FTO: variants seen among roughly 807,000 people sequenced by gnomAD.
The protein encoded by FTO is alpha-ketoglutarate-dependent dioxygenase FTO.
In FTO, 47 loss-of-function variants were observed where a neutral mutation model predicts 63.9. The observed-to-expected ratio is 0.74, with a 90% confidence interval of 0.58 to 0.94. The LOEUF is 0.94. Among genes scored for constraint, FTO ranks in the 40% least tolerant of loss-of-function variants. The probability of loss-of-function intolerance (pLI) is 0.00; values close to 1 mark genes in which losing one functional copy is unlikely to be tolerated. For synonymous variants in FTO, 207 were observed against 224.4 expected (o/e 0.92, Z 0.69); for missense variants, 562 against 618.1 (o/e 0.91, Z 0.96).
At chr16:53,872,247 C>CT (rs922787899) in intron 4 of FTO, among the ~76,000 whole-genome samples, 1 of 152,120 alleles carries the variant, frequency 6.6e-6, no homozygotes, top group African/African-American at 2.4e-5. Context: ...TCTGGTGCTT[C>CT]TTTTTTTGGC....
chr16:53,988,667 T>C (rs1349951958), intron 8 of FTO, among the ~76,000 whole-genome samples: 10 of 152,324 alleles, frequency 6.6e-5, no homozygotes, highest in African/African-American at 1.9e-4. Flanking sequence ...ACTACTGTTA[T>C]CTCCTATTTT....
At chr16:53,891,538 A>G (rs1019753748) in intron 7 of FTO, among the ~76,000 whole-genome samples, 1 of 152,018 alleles carries the variant, frequency 6.6e-6, no homozygotes. Flanking sequence ...GTGCATGTCT[A>G]TGGTCTGAGC....
chr16:53,810,666 C>T (rs567468117), intron 2 of FTO, among the ~76,000 whole-genome samples: 10 of 152,120 alleles, frequency 6.6e-5, no homozygotes, highest in African/African-American at 1.7e-4. Context: ...TACAGAATTC[C>T]GTGTCTCTGT....
rs151254730 is a variant in FTO at position 54,110,837 on chromosome 16, G to A, written c.1365-925G>A. On this transcript the variant is annotated intron_variant, in intron 8 of 8. Coordinates refer to ENST00000471389, the MANE Select transcript of FTO (RefSeq NM_001080432.3). ...TTGATCCACTCGTTTTCACTGCCAC[G>A]TACTCCAGGAGAGTCGAGAAATTGT... Among the ~76,000 whole-genome samples the A allele has an allele frequency of 3.8e-3, 578 of 152,314 alleles. 1 individual carries two copies. The highest frequency in any genetic ancestry group is 6.5e-3 in the Non-Finnish European group (442 of 68,034).
In FTO at chr16:53,998,506, G is replaced by A. The variant is rs534745423; in HGVS notation, c.1364+64397G>A. Reference sequence around the variant, plus strand: ...CCCTCAGTGTTCTTCTATTTATAAGGAACAGAAAACCCAACTTAAATTGAC... The same window carrying A: ...CCCTCAGTGTTCTTCTATTTATAAGAAACAGAAAACCCAACTTAAATTGAC... On this transcript the variant is annotated intron_variant, in intron 8 of 8. Transcript: ENST00000471389. 2.0e-5 allele frequency: 3 copies of A among 152,262 alleles called. No individual in the cohort carries two copies. In the South Asian group the frequency reaches 6.2e-4, roughly 32 times the overall value. The allele number at this position is 152,262 out of a possible 1,614,324, so 9.4% of individuals were successfully genotyped here.
chr16:53,892,866 A>T (rs1341360657), intron 7 of FTO, among the ~76,000 whole-genome samples: 1 of 152,150 alleles, frequency 6.6e-6, no homozygotes, highest in Admixed American at 6.6e-5. Flanking sequence ...AGAATGGAAA[A>T]TGAGCTTTGA....
chr16:53,813,690 C>G (rs1362698943), intron 2 of FTO, among the ~76,000 whole-genome samples: 1 of 152,194 alleles, frequency 6.6e-6, no homozygotes, highest in African/African-American at 2.4e-5. Flanking sequence ...AGCTGCCAGT[C>G]ATAAACACAG....
intron 1 of FTO, among the ~76,000 whole-genome samples, chr16:53,708,186 T>A (rs2075673279): frequency 6.6e-6 from 1 of 152,150 alleles, no homozygotes; most frequent in South Asian, 2.1e-4. Flanking sequence ...GCCAACATGG[T>A]GAAACCCTGT....
intron 8 of FTO, chr16:54,063,742 G>A (rs1461106206): frequency 6.8e-6 from 1 of 147,250 alleles, no homozygotes; most frequent in Admixed American, 6.8e-5. Context: ...AGAGGTATGC[G>A]TAGCTATATC....
chr16:53,758,335 A>G (rs1252123996), intron 1 of FTO, among the ~76,000 whole-genome samples: 1 of 152,210 alleles, frequency 6.6e-6, no homozygotes. Flanking sequence ...TGAAATTTAA[A>G]ACCTGTGTAG....
intron 1 of FTO, among the ~76,000 whole-genome samples, chr16:53,727,056 TTTTC>T (rs952619096): frequency 2.0e-5 from 3 of 152,170 alleles, no homozygotes; most frequent in Admixed American, 6.5e-5. Flanking sequence ...TCCCCTCTTC[TTTTC>T]TTTCTTTCTT....
intron 2 of FTO, among the ~76,000 whole-genome samples, chr16:53,823,576 C>A (rs1019712995): frequency 2.7e-5 from 4 of 147,604 alleles, no homozygotes; most frequent in African/African-American, 9.9e-5. Flanking sequence ...TCTTCATTTC[C>A]CCCTTTTCTT....
At chr16:53,798,736 G>A (rs1206209234) in intron 1 of FTO, among the ~76,000 whole-genome samples, 3 of 151,984 alleles carry the variant, frequency 2.0e-5, no homozygotes, top group Admixed American at 6.6e-5. Context: ...TTCTCAATCC[G>A]GATACTTTTC....
intron 8 of FTO, among the ~76,000 whole-genome samples, chr16:53,954,377 G>A (rs2082872274): frequency 6.6e-6 from 1 of 152,074 alleles, no homozygotes; most frequent in East Asian, 1.9e-4. Flanking sequence ...AGGGTACATA[G>A]GGTTTTGAAT....
chr16:54,111,994 CA>C lies in FTO; in HGVS notation c.*80del, dbSNP rs774235031. On this transcript the variant is annotated 3_prime_UTR_variant, in exon 9 of 9. Transcript: ENST00000471389. ...ACGTTGTCATGGGCTTAAGCAAGAGCAGTGGAGACTTCTCTTGGCCCCTAGA... is the reference window on the plus strand; with the variant it reads ...ACGTTGTCATGGGCTTAAGCAAGAGCGTGGAGACTTCTCTTGGCCCCTAGA... The C allele has an allele frequency of 2.0e-5, 30 of 1,480,868 alleles. No individual in the cohort carries two copies. The highest frequency in any genetic ancestry group is 2.6e-5 in the Non-Finnish European group (28 of 1,061,238). 91.7% of individuals were successfully genotyped at this position (1,480,868 alleles called of 1,614,324 possible). A position where few individuals can be genotyped will look rare whatever the true frequency, so the allele number is the denominator to read the frequency against.
intron 3 of FTO, among the ~76,000 whole-genome samples, chr16:53,834,185 C>T (rs1027217217): frequency 6.6e-6 from 1 of 152,066 alleles, no homozygotes; most frequent in Non-Finnish European, 1.5e-5. Context: ...CCACCACACC[C>T]GGCAAATTTT....
chr16:54,079,973 G>T (rs2086100897), intron 8 of FTO, among the ~76,000 whole-genome samples: 2 of 152,134 alleles, frequency 1.3e-5, no homozygotes, highest in Non-Finnish European at 2.9e-5. Flanking sequence ...TGTAGCCCCT[G>T]AGCCACCATT....
intron 1 of FTO, among the ~76,000 whole-genome samples, chr16:53,789,753 C>CATATATAT (rs143403033): frequency 0.024 from 3,597 of 147,126 alleles, 55 homozygotes; most frequent in South Asian, 0.077. Flanking sequence ...CTGGAACATA[C>CATATATAT]ATATATATAT....
At chr16:53,825,218 CT>C (rs1243447047) in intron 2 of FTO, among the ~76,000 whole-genome samples, 1 of 152,128 alleles carries the variant, frequency 6.6e-6, no homozygotes, top group Non-Finnish European at 1.5e-5. Flanking sequence ...AGTGAGTTCT[CT>C]TTTTGTGAAA....
Sources: gnomAD v4.1 joint callset for allele counts (sites outside exome capture counted in the v4.1 genomes callset) on GRCh38, gnomAD v4.1.1 for gene constraint, MANE v1.5 for transcripts, NCBI Gene and HGNC (gene_info 2026-07-23, HGNC 2026-07-21) for gene names.